CEP192: variants seen among roughly 807,000 people sequenced by gnomAD.
The protein encoded by CEP192 is centrosomal protein of 192 kDa.
Under a neutral mutation model 271.8 loss-of-function variants are expected in CEP192, and 151 were observed. The ratio of observed to expected loss-of-function variants is 0.56; its 90% CI spans 0.49 to 0.64. The LOEUF is 0.64. CEP192 is among the 30% of genes least tolerant of loss of function. CEP192 has a pLI of 0.00. For synonymous variants in CEP192, 995 were observed against 1,076.5 expected (o/e 0.92, Z 1.48); for missense variants, 2,910 against 3,020.5 (o/e 0.96, Z 0.86).
At chr18:13,103,484 G>A in intron 38 of CEP192, 25 bp from the exon 39 acceptor site, 1 of 1,592,376 alleles carries the variant, frequency 6.3e-7, no homozygotes, top group Non-Finnish European at 8.6e-7. Flanking sequence ...CCGAGTTTGA[G>A]TTATGATATA....
intron 9 of CEP192, among the ~76,000 whole-genome samples, chr18:13,027,372 A>G (rs982753435): frequency 1.3e-5 from 2 of 152,100 alleles, no homozygotes; most frequent in Non-Finnish European, 2.9e-5. Context: ...TGCAAGTAAA[A>G]CTCACAAAAG....
intron 40 of CEP192, among the ~76,000 whole-genome samples, chr18:13,110,329 A>G (rs2040151438): frequency 6.6e-6 from 1 of 152,196 alleles, no homozygotes. Flanking sequence ...AAAGCCTACT[A>G]CAAAGCCACA....
chr18:13,072,717 G>A, intron 28 of CEP192, 38 bp from the exon 29 acceptor site: 2 of 1,359,102 alleles, frequency 1.5e-6, no homozygotes, highest in Non-Finnish European at 2.1e-6. Context: ...CAATATCCAT[G>A]GAGAAAAACC....
intron 39 of CEP192, chr18:13,103,848 T>A: frequency 1.8e-6 from 1 of 543,266 alleles, no homozygotes; most frequent in South Asian, 1.5e-5. Context: ...CACCACCATG[T>A]CCAGCTAACT....
At chr18:13,059,629 T>C (rs1408343695) in intron 21 of CEP192, among the ~76,000 whole-genome samples, 2 of 152,220 alleles carry the variant, frequency 1.3e-5, no homozygotes, top group Non-Finnish European at 2.9e-5. Context: ...TATATTTCTG[T>C]ACCTGGAGAT....
At chr18:13,048,056 A>T (rs780308192) in intron 15 of CEP192, among the ~76,000 whole-genome samples, 1 of 152,142 alleles carries the variant, frequency 6.6e-6, no homozygotes, top group Non-Finnish European at 1.5e-5. Context: ...TTTTGTTGCC[A>T]TTAGATCCTA....
chr18:13,026,248 A>G (rs2035294196), intron 9 of CEP192, among the ~76,000 whole-genome samples: 1 of 152,120 alleles, frequency 6.6e-6, no homozygotes, highest in Non-Finnish European at 1.5e-5. Context: ...TCTGTGAGCA[A>G]GGTGATTTTT....
In CEP192 at chr18:13,042,192, T is replaced by C. The variant is rs1201485033; in HGVS notation, c.1937-12T>C. On this transcript the variant is annotated splice_polypyrimidine_tract_variant and intron_variant, in intron 14 of 44. Transcript: ENST00000506447. ...GTATACTTATAAGTTGAATATTATA[T>C]ATTTCCTGCAGGAGATTTAAATGAA... 1 of 1,607,038 alleles carries C rather than the reference T, an allele frequency of 6.2e-7. No homozygotes were observed.
chr18:13,014,424 G>A (rs2034529025), intron 5 of CEP192, among the ~76,000 whole-genome samples: 1 of 152,106 alleles, frequency 6.6e-6, no homozygotes, highest in Admixed American at 6.5e-5. Context: ...TATCAGAATG[G>A]AGACATTTTC....
chr18:13,093,364 T>C (rs995092026), intron 34 of CEP192, among the ~76,000 whole-genome samples: 2 of 152,208 alleles, frequency 1.3e-5, no homozygotes, highest in African/African-American at 4.8e-5. Context: ...TCCTCTCTGG[T>C]CCGGAGTGTA....
Position 13,103,608 on chromosome 18 carries a change from GAT to G in CEP192, c.6951+24_6951+25del. On this transcript the variant is annotated intron_variant, in intron 39 of 44. Transcript: ENST00000506447. ...GTCAAGGTCAGTCATGACTGCCTCA[GAT>G]ATAATCGTTTTAATGTTTAGACTTT... is the stretch of plus-strand genomic sequence containing the variant. The G allele has an allele frequency of 6.4e-7, 1 of 1,568,882 alleles. No homozygotes were observed. The highest frequency in any genetic ancestry group is 8.8e-7 in the Non-Finnish European group (1 of 1,138,812).
rs2037064536 is a variant in CEP192, at chr18:13,055,825, C to T, written c.3235C>T (p.Pro1079Ser). Residue 1079 changes from proline to serine, a missense_variant, in exon 19 of 45, where the codon CCA (proline) becomes TCA (serine). Pro to Ser is a moderately conservative substitution (Grantham distance 74). Transcript: ENST00000506447. The part of the protein sequence containing the change: ...ELSTTIIQGS[P>S]AALEERAMEK... ...GAGTACCACAATTATTCAAGGCAGT[C>T]CAGCCGCATTGGAGGAACGGGCTAT... 3 of 1,605,560 alleles carry T rather than the reference C, an allele frequency of 1.9e-6. No homozygotes were observed. Among genetic ancestry groups the T allele is most frequent in the Non-Finnish European group, 2.6e-6 (3 of 1,176,408 alleles).
chr18:13,016,735 A>C (rs1013203606), intron 6 of CEP192, among the ~76,000 whole-genome samples: 4 of 152,106 alleles, frequency 2.6e-5, no homozygotes, highest in African/African-American at 9.7e-5. Context: ...GTGCTTGCTG[A>C]GCTGGGTGTT....
intron 11 of CEP192, among the ~76,000 whole-genome samples, chr18:13,033,247 A>G (rs1358579832): frequency 6.6e-6 from 1 of 152,258 alleles, no homozygotes; most frequent in Non-Finnish European, 1.5e-5. Flanking sequence ...AATAAACAAT[A>G]AGAAAAAGAC....
chr18:13,023,671 A>T (rs1200825139), intron 9 of CEP192, among the ~76,000 whole-genome samples: 1 of 151,962 alleles, frequency 6.6e-6, no homozygotes, highest in Non-Finnish European at 1.5e-5. Flanking sequence ...TGTTTATGGG[A>T]GAAATTGGTC....
At chr18:13,010,210 A>T (rs923506985) in intron 4 of CEP192, among the ~76,000 whole-genome samples, 43 of 152,174 alleles carry the variant, frequency 2.8e-4, no homozygotes, top group Admixed American at 6.5e-4. Flanking sequence ...CTGCTGTCTG[A>T]TTCCTCTTAA....
Position 13,048,997 on chromosome 18 carries a change from G to T in CEP192, c.2206G>T (p.Ala736Ser). 6.2e-7 allele frequency: 1 copy of T among 1,614,144 alleles called. No individual in the cohort carries two copies. Among genetic ancestry groups the T allele is most frequent in the Non-Finnish European group, 8.5e-7 (1 of 1,180,026 alleles). The change falls in exon 16 of 45, where the codon GCA (alanine) becomes TCA (serine). Residue 736 changes from alanine to serine, a missense_variant. Ala to Ser is a moderately conservative substitution (Grantham distance 99). Coordinates refer to ENST00000506447, the MANE Select transcript of CEP192 (RefSeq NM_032142.4). ...SVNTDPSQLA[A>S]MIKALSNKTR... is the part of the protein sequence containing the mutation. The stretch of plus-strand genomic sequence containing the variant: ...TAATACTGATCCTTCCCAACTTGCT[G>T]CAATGATCAAGGCACTTTCAAATAA...
chr18:13,099,993 G>C (rs931507252), intron 37 of CEP192, among the ~76,000 whole-genome samples: 1 of 152,148 alleles, frequency 6.6e-6, no homozygotes, highest in Non-Finnish European at 1.5e-5. Flanking sequence ...TGTATTCTGA[G>C]GCCAACTAGT....
At chr18:13,012,226 C>T (rs966215049) in intron 4 of CEP192, among the ~76,000 whole-genome samples, 1 of 152,110 alleles carries the variant, frequency 6.6e-6, no homozygotes, top group South Asian at 2.1e-4. Context: ...GATGGCTGCA[C>T]AACCTAGTGA....
Sources: gnomAD v4.1 joint callset for allele counts (sites outside exome capture counted in the v4.1 genomes callset) on GRCh38, gnomAD v4.1.1 for gene constraint, MANE v1.5 for transcripts, NCBI Gene and HGNC (gene_info 2026-07-23, HGNC 2026-07-21) for gene names.